KCNH5: variants seen among roughly 807,000 people sequenced by gnomAD.
KCNH5 encodes the protein voltage-gated delayed rectifier potassium channel KCNH5.
Under a neutral mutation model 96.1 loss-of-function variants are expected in KCNH5, and 46 were observed. The ratio of observed to expected loss-of-function variants is 0.48; its 90% CI spans 0.38 to 0.61. The LOEUF (loss-of-function observed/expected upper bound fraction) is 0.61, where lower values mean the gene tolerates loss of function less well. Ranked by LOEUF, KCNH5 falls within the 20% of genes least tolerant of loss-of-function variation. The pLI is 0.00. For missense variants in KCNH5, 907 were observed against 1,225.8 expected (o/e 0.74, Z 3.88); for synonymous variants, 439 against 449.8 (o/e 0.98, Z 0.30).
intron 4 of KCNH5, among the ~76,000 whole-genome samples, chr14:62,993,195 C>T (rs1345451673): frequency 6.6e-6 from 1 of 152,070 alleles, no homozygotes. Context: ...TATACCAGTA[C>T]TGTGCTGTTT....
chr14:62,732,701 GT>G (rs968892782), intron 10 of KCNH5, among the ~76,000 whole-genome samples: 15 of 152,048 alleles, frequency 9.9e-5, no homozygotes, highest in African/African-American at 3.6e-4. Context: ...TTTGTTTTCA[GT>G]TGCGTGTGAC....
At chr14:62,725,976 C>T (rs1027848572) in intron 10 of KCNH5, among the ~76,000 whole-genome samples, 15 of 152,148 alleles carry the variant, frequency 9.9e-5, no homozygotes, top group Non-Finnish European at 1.9e-4. Flanking sequence ...GAACAGAATA[C>T]AGTGTCTAGA....
chr14:63,003,252 C>T (rs1891044217), intron 3 of KCNH5, among the ~76,000 whole-genome samples: 1 of 150,822 alleles, frequency 6.6e-6, no homozygotes, highest in South Asian at 2.1e-4. Context: ...CCCAAGTAGG[C>T]TGAGTATCTG....
chr14:62,826,860 T>G (rs1053285489), intron 8 of KCNH5, among the ~76,000 whole-genome samples: 15 of 152,038 alleles, frequency 9.9e-5, no homozygotes, highest in Non-Finnish European at 1.8e-4. Context: ...TTCTGTATTT[T>G]ATAAAAATTT....
chr14:62,730,798 A>G (rs1265593214), intron 10 of KCNH5, among the ~76,000 whole-genome samples: 1 of 152,214 alleles, frequency 6.6e-6, no homozygotes, highest in Non-Finnish European at 1.5e-5. Context: ...AAAGACACAT[A>G]TATCAAAAGC....
intron 7 of KCNH5, among the ~76,000 whole-genome samples, chr14:62,949,547 C>G (rs901692252): frequency 6.6e-6 from 1 of 152,130 alleles, no homozygotes; most frequent in Non-Finnish European, 1.5e-5. Context: ...GAACTTGGTA[C>G]CCAGGTATAC....
Position 62,779,772 on chromosome 14 carries a change from A to C in KCNH5, c.1975T>G (p.Ser659Ala). 1 of 1,613,950 alleles carries C rather than the reference A, an allele frequency of 6.2e-7. No homozygotes were observed. The highest frequency in any genetic ancestry group is 8.5e-7 in the Non-Finnish European group (1 of 1,179,918). Residue 659 changes from serine (S) to alanine (A), a missense_variant, in exon 10 of 11, where the codon TCC (serine) becomes GCC (alanine). Transcript: ENST00000322893. ...GTAAGAGTGAGATTCCTTGAGAAGGAGTTTGCAAAAGCTGTATAAAAGTCC... is the reference window on the plus strand; with the variant it reads ...GTAAGAGTGAGATTCCTTGAGAAGGCGTTTGCAAAAGCTGTATAAAAGTCC... ...VLDFYTAFAN[S>A]FSRNLTLTCN...
intron 8 of KCNH5, among the ~76,000 whole-genome samples, chr14:62,821,823 C>T (rs1271966232): frequency 1.3e-5 from 2 of 152,044 alleles, no homozygotes; most frequent in South Asian, 2.1e-4. Flanking sequence ...TAATTCTATC[C>T]GTCTCAAATC....
chr14:62,779,952 A>G lies in KCNH5; in HGVS notation c.1823-28T>C, dbSNP rs373876276. ...AGAAAACAGTATAAGATACATATTC[A>G]AGTATCTAACACTGTTCTTATTTAA... On this transcript the variant is annotated intron_variant, in intron 9 of 10. Coordinates refer to ENST00000322893, the MANE Select transcript of KCNH5 (RefSeq NM_139318.5). 2.6e-6 allele frequency: 4 copies of G among 1,566,508 alleles called. No individual in the cohort carries two copies. The African/African-American group carries it at 4.1e-5, about 16-fold the overall frequency.
chr14:63,035,620 G>C (rs1449109961), intron 1 of KCNH5, among the ~76,000 whole-genome samples: 1 of 152,200 alleles, frequency 6.6e-6, no homozygotes. Context: ...TTTTGCTCTA[G>C]GCAGTAGGTT....
At chr14:62,767,803 C>T (rs1027829980) in intron 10 of KCNH5, among the ~76,000 whole-genome samples, 1 of 152,000 alleles carries the variant, frequency 6.6e-6, no homozygotes, top group African/African-American at 2.4e-5. Flanking sequence ...CATGTACCCC[C>T]GAACCTAAAA....
chr14:62,786,042 T>A (rs1204657175), intron 9 of KCNH5, among the ~76,000 whole-genome samples: 1 of 152,072 alleles, frequency 6.6e-6, no homozygotes, highest in East Asian at 1.9e-4. Flanking sequence ...AATACAAAAA[T>A]TAGCTGGGCA....
At chr14:62,947,714 G>GACACACACACACACACACACACACAC (rs373941818) in intron 7 of KCNH5, among the ~76,000 whole-genome samples, 1 of 149,520 alleles carries the variant, frequency 6.7e-6, no homozygotes, top group African/African-American at 2.5e-5. Context: ...GGACAGCTTA[G>GACACACACACACACACACACACACAC]ACACACACAC....
chr14:62,982,191 T>C (rs1274250808), intron 5 of KCNH5, among the ~76,000 whole-genome samples: 1 of 152,128 alleles, frequency 6.6e-6, no homozygotes, highest in Non-Finnish European at 1.5e-5. Flanking sequence ...TAGATGGGCG[T>C]GGTGGTGCGT....
intron 8 of KCNH5, among the ~76,000 whole-genome samples, chr14:62,805,164 AC>A (rs1391508375): frequency 1.3e-5 from 2 of 152,164 alleles, no homozygotes; most frequent in Non-Finnish European, 2.9e-5. Flanking sequence ...TCCATTTACC[AC>A]ATAGGACTTT....
chr14:62,707,911 T>C lies in KCNH5; in HGVS notation c.2564A>G (p.Lys855Arg). Reference protein sequence around the residue: ...KSSDSENSVTKNPLRKTDSCD... With the variant: ...KSSDSENSVTRNPLRKTDSCD... Reference sequence around the variant, plus strand: ...AGAATCTGTTTTTCTTAGTGGGTTTTTGGTCACACTGTTCTCTGAATCACT... The same window carrying C: ...AGAATCTGTTTTTCTTAGTGGGTTTCTGGTCACACTGTTCTCTGAATCACT... Residue 855 changes from lysine (K) to arginine (R), a missense_variant, in exon 11 of 11, where the codon AAA becomes AGA. This residue lies in a region of KCNH5 where 362 missense variants were observed against 394.4 expected (regional missense o/e 0.92). Transcript: ENST00000322893. 1.2e-6 allele frequency: 2 copies of C among 1,614,204 alleles called. No individual in the cohort carries two copies. The highest frequency in any genetic ancestry group is 1.6e-4 in the Middle Eastern group (1 of 6,062).
intron 7 of KCNH5, among the ~76,000 whole-genome samples, chr14:62,916,534 T>C (rs955703724): frequency 4.6e-5 from 7 of 152,206 alleles, no homozygotes; most frequent in Admixed American, 4.6e-4. Flanking sequence ...AGCCTTTTTA[T>C]TAGAACAGTA....
Position 62,739,794 on chromosome 14 carries a change from T to C in KCNH5, c.2020-31339A>G, listed in dbSNP as rs112548703. On this transcript the variant is annotated intron_variant, in intron 10 of 10. Transcript: ENST00000322893. ...AGTGTTACTCTTTGTCATATAAACCTGCAGGGTGCTTGAAGAACTGAAGGG... is the reference window on the plus strand; with the variant it reads ...AGTGTTACTCTTTGTCATATAAACCCGCAGGGTGCTTGAAGAACTGAAGGG... Among the ~76,000 whole-genome samples, 557 of 152,298 alleles carry C rather than the reference T, an allele frequency of 3.7e-3. 2 individuals are homozygous for C. The highest frequency in any genetic ancestry group is 0.013 in the African/African-American group (545 of 41,572).
intron 7 of KCNH5, among the ~76,000 whole-genome samples, chr14:62,905,242 T>C (rs1889004849): frequency 6.6e-6 from 1 of 152,220 alleles, no homozygotes; most frequent in Non-Finnish European, 1.5e-5. Flanking sequence ...ACCTCTTTTG[T>C]TTTGTTTTAG....
Sources: gnomAD v4.1 joint callset for allele counts (sites outside exome capture counted in the v4.1 genomes callset) on GRCh38, gnomAD v4.1.1 for gene constraint, gnomAD v4.1.1 regional missense constraint, MANE v1.5 for transcripts, NCBI Gene and HGNC (gene_info 2026-07-23, HGNC 2026-07-21) for gene names.